The following MAGOHB variants were observed in gnomAD, a reference collection of about 807,000 sequenced individuals.
The protein encoded by MAGOHB is protein mago nashi homolog 2.
MAGOHB carries 15 observed loss-of-function variants against 20.9 expected under a neutral mutation model. The observed-to-expected ratio is 0.72, with a 90% CI of 0.48 to 1.11. The LOEUF (loss-of-function observed/expected upper bound fraction) is 1.11. Ranked by LOEUF, MAGOHB falls within the 50% of genes least tolerant of loss-of-function variation. The pLI is 0.00. For missense variants in MAGOHB, 162 were observed against 177.6 expected (o/e 0.91, Z 0.50); for synonymous variants, 50 against 57.9 (o/e 0.86, Z 0.62).
chr12:10,608,024 G>T lies in MAGOHB; in HGVS notation c.265-88C>A, dbSNP rs1030246543. ...TTGCTACAAGCAGATCCCAATTTTAGTTGCAAGTTTTCTAGCAGCCAACAG... is the reference window on the plus strand; with the variant it reads ...TTGCTACAAGCAGATCCCAATTTTATTTGCAAGTTTTCTAGCAGCCAACAG... On this transcript the variant is annotated intron_variant, in intron 3 of 4. Coordinates refer to ENST00000320756, the MANE Select transcript of MAGOHB (RefSeq NM_018048.5). 7.8e-6 allele frequency: 6 copies of T among 768,670 alleles called. No individual in the cohort carries two copies. The African/African-American group carries it at 1.1e-4, about 14-fold the overall frequency. 47.6% of individuals were successfully genotyped at this position (768,670 alleles called of 1,614,324 possible). A position where few individuals can be genotyped will look rare whatever the true frequency, so the allele number is the denominator to read the frequency against.
At chr12:10,613,314 C>G (rs997626525) in intron 1 of MAGOHB, 125 bp downstream of exon 1, 1 of 810,778 alleles carries the variant, frequency 1.2e-6, no homozygotes, top group Non-Finnish European at 2.1e-6. Context: ...TATGCCTCCT[C>G]TATTCTTAAG....
chr12:10,603,437 C>T (rs753955729), downstream of MAGOHB, among the ~76,000 whole-genome samples: 1 of 151,982 alleles, frequency 6.6e-6, no homozygotes, highest in Non-Finnish European at 1.5e-5. Flanking sequence ...ATACATTGTC[C>T]CAACTGAACC....
downstream of MAGOHB, among the ~76,000 whole-genome samples, chr12:10,603,080 G>T (rs76091393): frequency 2.7e-3 from 410 of 152,166 alleles, 3 homozygotes; most frequent in African/African-American, 9.5e-3. Flanking sequence ...ATAAAACGAG[G>T]CCGAAGCAGG....
chr12:10,612,473 C>T (rs183321258), intron 1 of MAGOHB, among the ~76,000 whole-genome samples: 7 of 152,042 alleles, frequency 4.6e-5, no homozygotes, highest in Admixed American at 4.6e-4. Context: ...TACTCTTCTC[C>T]TTTCCTAATA....
Position 10,606,202 on chromosome 12 carries a change from C to T in MAGOHB, c.*73G>A. ...TTGTTTGCTTCACATTCATAAAAACCCCAATACTGTAAATGACAAATAACC... is the reference window on the plus strand; with the variant it reads ...TTGTTTGCTTCACATTCATAAAAACTCCAATACTGTAAATGACAAATAACC... On this transcript the variant is annotated 3_prime_UTR_variant, in exon 5 of 5. Transcript: ENST00000320756. 2 of 817,386 alleles carry T rather than the reference C, an allele frequency of 2.4e-6. No homozygotes were observed. Among genetic ancestry groups the T allele is most frequent in the Non-Finnish European group, 1.9e-6 (1 of 526,632 alleles). 50.6% of individuals were successfully genotyped at this position (817,386 alleles called of 1,614,324 possible).
downstream of MAGOHB, among the ~76,000 whole-genome samples, chr12:10,603,262 C>T (rs1019052585): frequency 6.1e-5 from 9 of 148,678 alleles, no homozygotes; most frequent in South Asian, 2.1e-4. Flanking sequence ...TGCAGTGAGC[C>T]GAGATCGCGC....
At chr12:10,606,437 T>A in intron 4 of MAGOHB, 63 bp from the exon 5 acceptor site, 1 of 804,424 alleles carries the variant, frequency 1.2e-6, no homozygotes, top group Non-Finnish European at 2.0e-6. Context: ...TTTAAATGCC[T>A]AAAACAAAAC....
downstream of MAGOHB, among the ~76,000 whole-genome samples, chr12:10,603,116 T>G (rs1415874010): frequency 1.3e-5 from 2 of 151,868 alleles, no homozygotes; most frequent in African/African-American, 4.8e-5. Flanking sequence ...TAGAGACCAT[T>G]CTGGCTAACA....
In MAGOHB at chr12:10,606,045, T is replaced by A. The variant is rs543641273; in HGVS notation, c.*230A>T. The A allele has an allele frequency of 3.5e-6, 1 of 286,690 alleles. No individual in the cohort carries two copies. The highest frequency in any genetic ancestry group is 6.6e-6 in the Non-Finnish European group (1 of 152,196). 17.8% of individuals were successfully genotyped at this position (286,690 alleles called of 1,614,324 possible). ...TGGTATGTTTTATTAGAGCAAATTT[T>A]TAACAAAAGGTGGCTTTCATTTACA... On this transcript the variant is annotated 3_prime_UTR_variant, in exon 5 of 5. Coordinates refer to ENST00000320756, the MANE Select transcript of MAGOHB (RefSeq NM_018048.5).
At position 10,604,756 on chromosome 12, in the gene MAGOHB, G is replaced by A. The variant is rs969284004; in HGVS notation, c.*1519C>T. On this transcript the variant is annotated 3_prime_UTR_variant, in exon 5 of 5. Transcript: ENST00000320756. ...ATACAAAAGACCTGAAGATGATAGC[G>A]TACTTGCATAATGAAGTGGAAATCA... 24 of 152,162 alleles carry A rather than the reference G, an allele frequency of 1.6e-4. No individual in the cohort carries two copies. Among genetic ancestry groups the A allele is most frequent in the African/African-American group, 4.1e-4 (17 of 41,446 alleles). 9.4% of individuals were successfully genotyped at this position (152,162 alleles called of 1,614,324 possible).
Position 10,609,947 on chromosome 12 carries a change from A to G in MAGOHB, c.154-6T>C, listed in dbSNP as rs1040661458. 6.6e-7 allele frequency: 1 copy of G among 1,519,576 alleles called. No individual in the cohort carries two copies. Among genetic ancestry groups the G allele is most frequent in the African/African-American group, 1.4e-5 (1 of 71,812 alleles). 94.1% of individuals were successfully genotyped at this position (1,519,576 alleles called of 1,614,324 possible). A position where few individuals can be genotyped will look rare whatever the true frequency, so the allele number is the denominator to read the frequency against. On this transcript the variant is annotated splice_region_variant and splice_polypyrimidine_tract_variant and intron_variant, in intron 2 of 4. Transcript: ENST00000320756. ...ACACTCTTGTGCACATAAGCCTAAAAATTAATCATAATAAAATGAGATAAT... is the reference window on the plus strand; with the variant it reads ...ACACTCTTGTGCACATAAGCCTAAAGATTAATCATAATAAAATGAGATAAT...
At chr12:10,613,339 G>T in intron 1 of MAGOHB, 100 bp downstream of exon 1, 1 of 1,003,150 alleles carries the variant, frequency 1.0e-6, no homozygotes, top group Non-Finnish European at 1.6e-6. Context: ...TATTTCCTTC[G>T]AGGGAAGCAG....
chr12:10,607,343 C>G (rs953083291), intron 4 of MAGOHB, among the ~76,000 whole-genome samples: 4 of 151,750 alleles, frequency 2.6e-5, no homozygotes, highest in African/African-American at 9.7e-5. Context: ...GGAATGGGCA[C>G]AAATAAAAAT....
intron 1 of MAGOHB, among the ~76,000 whole-genome samples, chr12:10,611,367 T>C (rs972899119): frequency 1.3e-5 from 2 of 152,224 alleles, no homozygotes; most frequent in Admixed American, 6.5e-5. Flanking sequence ...TATTATCTGA[T>C]GTATGCTTCC....
At chr12:10,601,270 C>T (rs947080774), downstream of MAGOHB, among the ~76,000 whole-genome samples, 10 of 102,472 alleles carry the variant, frequency 9.8e-5, no homozygotes, top group African/African-American at 3.6e-4. Flanking sequence ...CATATTAAAA[C>T]CTCCCAACAT....
At chr12:10,610,744 T>C in intron 1 of MAGOHB, 64 bp from the exon 2 acceptor site, 3 of 1,471,270 alleles carry the variant, frequency 2.0e-6, no homozygotes, top group Non-Finnish European at 2.8e-6. Context: ...TAACATCATA[T>C]ACAATTTTGA....
chr12:10,612,819 T>A, intron 1 of MAGOHB: 2 of 1,288,730 alleles, frequency 1.6e-6, no homozygotes. Flanking sequence ...TTTCACCTCA[T>A]CCTCTGCTCA....
intron 4 of MAGOHB, 40 bp from the exon 5 acceptor site, chr12:10,606,414 G>T: frequency 2.7e-6 from 3 of 1,121,462 alleles, no homozygotes; most frequent in Non-Finnish European, 3.8e-6. Context: ...TTCTTCCTAG[G>T]ATAAAACAAT....
chr12:10,613,514 A>C lies in MAGOHB; in HGVS notation c.19T>G (p.Phe7Val), dbSNP rs1185037613. 6.2e-7 allele frequency: 1 copy of C among 1,613,882 alleles called. No individual in the cohort carries two copies. The highest frequency in any genetic ancestry group is 1.7e-5 in the Admixed American group (1 of 59,998). The change falls in exon 1 of 5, where the codon TTC becomes GTC. Residue 7 changes from phenylalanine to valine, a missense_variant. Transcript: ENST00000320756. ...TGCCCTACGTAGTAGCGCAGGTAGA[A>C]ATCGCTAGCCACAGCCATTTTTGTA... Reference protein sequence around the residue: MAVASDFYLRYYVGHKG... With the variant: MAVASDVYLRYYVGHKG...
Sources: allele counts gnomAD v4.1 joint callset (sites outside exome capture counted in the v4.1 genomes callset), GRCh38; gene constraint gnomAD v4.1.1; transcripts MANE v1.5; gene names NCBI Gene and HGNC (gene_info 2026-07-23, HGNC 2026-07-21).